The following CELF2 variants were observed in gnomAD, a reference collection of about 807,000 sequenced individuals.
The protein encoded by CELF2 is CUGBP Elav-like family member 2, also known as CUG triplet repeat RNA-binding protein 2.
Under a neutral mutation model 62.6 loss-of-function variants are expected in CELF2, and 8 were observed. The observed-to-expected ratio is 0.13, with a 90% confidence interval of 0.07 to 0.23. The LOEUF is 0.23. Among genes scored for constraint, CELF2 ranks in the 10% least tolerant of loss-of-function variants. CELF2 has a pLI of 1.00. For missense variants in CELF2, 333 were observed against 671.0 expected, an observed-to-expected ratio of 0.50 and a Z score of 5.56; for synonymous variants, 258 against 250.0, an observed-to-expected ratio of 1.03 and a Z score of -0.30.
chr10:11,066,414 A>G (rs1291849), intron 1 of CELF2, among the ~76,000 whole-genome samples: 48,948 of 151,640 alleles, frequency 0.32, 8,541 homozygotes, highest in African/African-American at 0.42. Flanking sequence ...CATCACCTTC[A>G]TTTTATAGGG....
rs546811915 is a variant in CELF2, at chr10:11,028,027, G to A, written c.74+9864G>A. Among the ~76,000 whole-genome samples the A allele has an allele frequency of 3.3e-5, 5 of 152,274 alleles. No individual in the cohort carries two copies. The South Asian group carries it at 1.0e-3, about 32-fold the overall frequency. On this transcript the variant is annotated intron_variant, in intron 1 of 12. Coordinates refer to ENST00000633077, the MANE Select transcript of CELF2 (RefSeq NM_001326342.2). ...TGAAGAGTGAATGTTTTCTTCTTCGGAACTTTCATGCTTTTAAGTCTCAGG... is the reference window on the plus strand; with the variant it reads ...TGAAGAGTGAATGTTTTCTTCTTCGAAACTTTCATGCTTTTAAGTCTCAGG...
intron 9 of CELF2, among the ~76,000 whole-genome samples, chr10:11,304,566 G>A (rs899482713): frequency 3.3e-5 from 5 of 151,458 alleles, no homozygotes; most frequent in Admixed American, 2.6e-4. Context: ...TCACATGGCC[G>A]GGGCTGAGTG....
chr10:10,494,508 A>G, the CELF2 span, among the ~76,000 whole-genome samples: 4 of 152,224 alleles, frequency 2.6e-5, no homozygotes, highest in African/African-American at 7.2e-5. Flanking sequence ...ATACGGGAAG[A>G]ACAAGACATA....
At chr10:10,583,543 C>T in the CELF2 span, among the ~76,000 whole-genome samples, 1 of 152,176 alleles carries the variant, frequency 6.6e-6, no homozygotes, top group African/African-American at 2.4e-5. Context: ...CTGTATTTTG[C>T]TCTAGCTGAG....
chr10:11,167,414 T>C (rs2067542322), intron 2 of CELF2, among the ~76,000 whole-genome samples: 1 of 152,190 alleles, frequency 6.6e-6, no homozygotes, highest in Admixed American at 6.5e-5. Context: ...CGACTCCAAA[T>C]TTTGGTTTAT....
chr10:10,770,563 CAGAG>C, the CELF2 span, among the ~76,000 whole-genome samples: 15 of 151,988 alleles, frequency 9.9e-5, no homozygotes, highest in African/African-American at 2.9e-4. Flanking sequence ...AAGGAGGAAA[CAGAG>C]AGAGCTGGAA....
chr10:10,927,490 T>C (rs2065642224), intron 2 of CELF2, among the ~76,000 whole-genome samples: 1 of 152,102 alleles, frequency 6.6e-6, no homozygotes, highest in Non-Finnish European at 1.5e-5. Flanking sequence ...TTCAGTGGCA[T>C]GATCATAGCA....
Position 10,936,901 on chromosome 10 carries a change from G to C in CELF2, c.89+16902G>C, listed in dbSNP as rs953971301. On this transcript the variant is annotated intron_variant, in intron 2 of 13. Transcript: ENST00000636488. This position sits in a 1 kb window ranked among gnomAD's most constrained non-coding sequence, Gnocchi z 4.0. Reference sequence around the variant, plus strand: ...TGTATTTCTGACAAGCTCCCACGGGGTTTCTGATGATTCTGGTCCTCAGAC... The same window carrying C: ...TGTATTTCTGACAAGCTCCCACGGGCTTTCTGATGATTCTGGTCCTCAGAC... Among the ~76,000 whole-genome samples, 1 of 152,110 alleles carries C rather than the reference G, an allele frequency of 6.6e-6. No homozygotes were observed. The highest frequency in any genetic ancestry group is 1.5e-5 in the Non-Finnish European group (1 of 68,014).
chr10:11,259,199 C>T (rs1026424112), intron 5 of CELF2, among the ~76,000 whole-genome samples: 7 of 152,256 alleles, frequency 4.6e-5, no homozygotes, highest in Non-Finnish European at 7.3e-5. Context: ...CTTCACCCTT[C>T]TCACTAGTTT....
At chr10:10,725,932 A>G in the CELF2 span, among the ~76,000 whole-genome samples, 1 of 152,162 alleles carries the variant, frequency 6.6e-6, no homozygotes, top group Non-Finnish European at 1.5e-5. Flanking sequence ...ATTTAACAGA[A>G]TTTCCAGCAA....
At chr10:10,890,945 G>A (rs2062095506) in intron 1 of CELF2, among the ~76,000 whole-genome samples, 1 of 152,110 alleles carries the variant, frequency 6.6e-6, no homozygotes, top group African/African-American at 2.4e-5. Context: ...AACCTGGGAG[G>A]TGGAGGTTGC....
At chr10:10,985,501 C>A (rs1315737300) in intron 2 of CELF2, among the ~76,000 whole-genome samples, 1 of 152,140 alleles carries the variant, frequency 6.6e-6, no homozygotes, top group Non-Finnish European at 1.5e-5. Flanking sequence ...ACAGACTATT[C>A]TTGCATTTTA....
At chr10:11,034,058 G>A (rs969195059) in intron 1 of CELF2, among the ~76,000 whole-genome samples, 9 of 152,222 alleles carry the variant, frequency 5.9e-5, no homozygotes, top group Middle Eastern at 3.4e-3. Flanking sequence ...GGTGGCTGCC[G>A]GCTGTTCTAG....
chr10:11,097,334 T>G (rs2050177975), intron 1 of CELF2: 1 of 152,246 alleles, frequency 6.6e-6, no homozygotes, highest in Non-Finnish European at 1.5e-5. Flanking sequence ...TCATAAAATG[T>G]TTCCATTTGC....
chr10:10,535,604 T>C, the CELF2 span, among the ~76,000 whole-genome samples: 1 of 151,946 alleles, frequency 6.6e-6, no homozygotes, highest in Admixed American at 6.6e-5. Context: ...CCTGTAATCC[T>C]AGCTACTCAG....
chr10:10,780,721 C>T, the CELF2 span, among the ~76,000 whole-genome samples: 5 of 152,324 alleles, frequency 3.3e-5, no homozygotes, highest in East Asian at 9.7e-4. Flanking sequence ...CCTTGCCATC[C>T]ACCTGCTTTG....
chr10:10,886,762 G>A (rs1487911654), intron 1 of CELF2, among the ~76,000 whole-genome samples: 2 of 152,210 alleles, frequency 1.3e-5, no homozygotes, highest in African/African-American at 4.8e-5. Flanking sequence ...CTTGAGCCTA[G>A]GAGGTCAAGG....
chr10:11,097,979 G>A (rs1345116638), intron 1 of CELF2: 1 of 152,336 alleles, frequency 6.6e-6, no homozygotes, highest in Non-Finnish European at 1.5e-5. Context: ...ACCCTGCAGG[G>A]ACTGTGTTCC....
At chr10:11,090,619 G>A (rs1181616260) in intron 1 of CELF2, among the ~76,000 whole-genome samples, 2 of 152,076 alleles carry the variant, frequency 1.3e-5, no homozygotes, top group East Asian at 1.9e-4. Flanking sequence ...ATTAGAGGCA[G>A]CCTAAATATC....
Sources: gnomAD v4.1 joint callset for allele counts (sites outside exome capture counted in the v4.1 genomes callset) on GRCh38, gnomAD v4.1.1 for gene constraint, Gnocchi (gnomAD v3.1) non-coding constraint, MANE v1.5 for transcripts, NCBI Gene and HGNC (gene_info 2026-07-23, HGNC 2026-07-21) for gene names.